Variants in SUDS3 observed in about 807,000 individuals in gnomAD.
SUDS3 encodes the protein sin3 histone deacetylase corepressor complex component SDS3.
Under a neutral mutation model 53.5 loss-of-function variants are expected in SUDS3, and 23 were observed. That is an observed-to-expected ratio of 0.43 (90% CI 0.31 to 0.61). SUDS3 has a LOEUF of 0.61. SUDS3 is among the 20% of genes least tolerant of loss of function. The pLI is 0.10. For missense variants in SUDS3, 291 were observed against 405.9 expected, an observed-to-expected ratio of 0.72 and a Z score of 2.43; for synonymous variants, 150 against 148.5, an observed-to-expected ratio of 1.01 and a Z score of -0.08.
intron 10 of SUDS3, among the ~76,000 whole-genome samples, chr12:118,406,942 G>C (rs541818796): frequency 6.6e-6 from 1 of 150,930 alleles, no homozygotes; most frequent in Non-Finnish European, 1.5e-5. Context: ...TGTCCCCCAG[G>C]CTGGCATGCA....
Position 118,389,930 on chromosome 12 carries a change from T to C in SUDS3, c.344T>C (p.Leu115Pro), listed in dbSNP as rs2046150613. 1 of 1,614,062 alleles carries C rather than the reference T, an allele frequency of 6.2e-7. No individual in the cohort carries two copies. The highest frequency in any genetic ancestry group is 8.5e-7 in the Non-Finnish European group (1 of 1,179,890). The change falls in exon 5 of 12, where the codon CTC becomes CCC. Residue 115 changes from leucine to proline, a missense_variant. Physicochemically the swap from Leu to Pro is moderately conservative, Grantham distance 98. This residue lies in a region of SUDS3 where 149 missense variants were observed against 146.5 expected (regional missense o/e 1.02). Coordinates refer to ENST00000543473, the MANE Select transcript of SUDS3 (RefSeq NM_022491.3). ...QYKERIRNAE[L>P]FLQLETEQVE... is the part of the protein sequence containing the mutation. The stretch of plus-strand genomic sequence containing the variant: ...TTGCACTTTTTATCTCTTGCAGAAC[T>C]CTTCCTCCAGCTGGAAGTAAGTACC...
intron 4 of SUDS3, 130 bp from the exon 5 acceptor site, chr12:118,389,797 C>T: frequency 9.0e-7 from 1 of 1,109,942 alleles, no homozygotes; most frequent in Non-Finnish European, 1.3e-6. Context: ...ATCAACATTT[C>T]ACTGATGAAA....
At chr12:118,409,272 G>A (rs907485056) in intron 10 of SUDS3, among the ~76,000 whole-genome samples, 1 of 151,548 alleles carries the variant, frequency 6.6e-6, no homozygotes, top group African/African-American at 2.4e-5. Flanking sequence ...TCAGCCTCCC[G>A]AGTAGCTGGG....
intron 1 of SUDS3, among the ~76,000 whole-genome samples, chr12:118,378,092 T>C (rs924646127): frequency 3.3e-5 from 5 of 152,182 alleles, no homozygotes; most frequent in African/African-American, 1.2e-4. Context: ...GAGGGGGCGC[T>C]GTGGAGCCAA....
rs1413626897 is a variant in SUDS3, at chr12:118,415,467, C to CA, written c.*1036dup. On this transcript the variant is annotated 3_prime_UTR_variant, in exon 12 of 12. Transcript: ENST00000543473. ...AGCTTCATTTGGCCCAGGTTGAAGA[C>CA]AAGGAAAGCTCTGCTGTGGCTGCCT... 6.6e-6 allele frequency: 1 copy of CA among 152,132 alleles called. No individual in the cohort carries two copies. Among genetic ancestry groups the CA allele is most frequent in the Non-Finnish European group, 1.5e-5 (1 of 68,060 alleles). 9.4% of individuals were successfully genotyped at this position (152,132 alleles called of 1,614,324 possible). A position where few individuals can be genotyped will look rare whatever the true frequency, so the allele number is the denominator to read the frequency against.
chr12:118,414,697 C>T lies in SUDS3; in HGVS notation c.*264C>T, dbSNP rs2046385470. 2.9e-6 allele frequency: 1 copy of T among 340,940 alleles called. No homozygotes were observed. The highest frequency in any genetic ancestry group is 2.1e-5 in the African/African-American group (1 of 47,128). 21.1% of individuals were successfully genotyped at this position (340,940 alleles called of 1,614,324 possible). On this transcript the variant is annotated 3_prime_UTR_variant, in exon 12 of 12. Coordinates refer to ENST00000543473, the MANE Select transcript of SUDS3 (RefSeq NM_022491.3). The stretch of plus-strand genomic sequence containing the variant: ...CAGGCGTATTGGGGGGTTTGATTTA[C>T]TTTCCTTTTATTTCTTTATTTTTTG...
intron 2 of SUDS3, 106 bp downstream of exon 2, chr12:118,380,337 T>C: frequency 2.1e-6 from 2 of 962,412 alleles, no homozygotes; most frequent in Admixed American, 4.7e-5. Context: ...AATCTAAAAC[T>C]TCCTGAGTGC....
At chr12:118,382,072 C>T (rs1174732581) in intron 2 of SUDS3, among the ~76,000 whole-genome samples, 5 of 150,336 alleles carry the variant, frequency 3.3e-5, no homozygotes, top group Non-Finnish European at 7.5e-5. Flanking sequence ...CAGAGTCTCA[C>T]TCTGTCACCC....
At position 118,417,448 on chromosome 12, in the gene SUDS3, A is replaced by G. The variant is rs1468344941; in HGVS notation, c.*3015A>G. Reference sequence around the variant, plus strand: ...CCTTCTCACATTTCTTTAGCTTTGAATTTTTACTAAATAAATTTCCTCCTG... The same window carrying G: ...CCTTCTCACATTTCTTTAGCTTTGAGTTTTTACTAAATAAATTTCCTCCTG... On this transcript the variant is annotated 3_prime_UTR_variant, in exon 12 of 12. Coordinates refer to ENST00000543473, the MANE Select transcript of SUDS3 (RefSeq NM_022491.3). 4.0e-5 allele frequency: 6 copies of G among 150,390 alleles called. No homozygotes were observed. The highest frequency in any genetic ancestry group is 9.8e-5 in the African/African-American group (4 of 40,844). The allele number at this position is 150,390 out of a possible 1,614,324, so 9.3% of individuals were successfully genotyped here.
At chr12:118,397,063 A>C (rs2046222652) in intron 6 of SUDS3, among the ~76,000 whole-genome samples, 1 of 152,162 alleles carries the variant, frequency 6.6e-6, no homozygotes, top group Non-Finnish European at 1.5e-5. Flanking sequence ...GTCTGCTTTA[A>C]GTGCTTGATG....
At chr12:118,393,388 G>A (rs2046185117) in intron 6 of SUDS3, among the ~76,000 whole-genome samples, 1 of 152,134 alleles carries the variant, frequency 6.6e-6, no homozygotes, top group African/African-American at 2.4e-5. Context: ...CTGGAAACGG[G>A]TGTATTTGGC....
At chr12:118,376,857 CG>C in intron 1 of SUDS3, 24 bp downstream of exon 1, 1 of 1,505,590 alleles carries the variant, frequency 6.6e-7, no homozygotes, top group Non-Finnish European at 8.8e-7. Context: ...CTCGCCCGGC[CG>C]CCCGGAGCGG....
At chr12:118,404,745 CATT>C (rs570237914) in intron 10 of SUDS3, among the ~76,000 whole-genome samples, 1,668 of 152,116 alleles carry the variant, frequency 0.011, 15 homozygotes, top group Non-Finnish European at 0.015. Context: ...TAAGGTGTCT[CATT>C]ATCATTTATA....
intron 11 of SUDS3, among the ~76,000 whole-genome samples, chr12:118,412,193 T>C (rs1003871330): frequency 3.9e-5 from 6 of 152,228 alleles, no homozygotes; most frequent in Non-Finnish European, 8.8e-5. Context: ...CTCCAAGTGG[T>C]CTTTCATGAG....
chr12:118,402,230 A>C (rs1266156060), intron 9 of SUDS3: 1 of 560,094 alleles, frequency 1.8e-6, no homozygotes, highest in African/African-American at 1.9e-5. Context: ...CTTAGGATTT[A>C]TCATAAAAGA....
intron 5 of SUDS3, 81 bp downstream of exon 5, chr12:118,390,027 C>G: frequency 6.5e-7 from 1 of 1,547,162 alleles, no homozygotes; most frequent in Non-Finnish European, 8.9e-7. Flanking sequence ...GCTTTTCCTT[C>G]TATCACCAAG....
chr12:118,407,214 T>C (rs992141908), intron 10 of SUDS3, among the ~76,000 whole-genome samples: 6 of 152,198 alleles, frequency 3.9e-5, no homozygotes, highest in Admixed American at 3.3e-4. Flanking sequence ...TAAGGACTTA[T>C]CTTTTCAGAG....
chr12:118,395,134 A>G (rs2046202156), intron 6 of SUDS3, among the ~76,000 whole-genome samples: 1 of 151,660 alleles, frequency 6.6e-6, no homozygotes, highest in African/African-American at 2.4e-5. Context: ...GAGAGGGAGA[A>G]TGGAAGAGGT....
At chr12:118,389,713 G>A (rs1200508690) in intron 4 of SUDS3, among the ~76,000 whole-genome samples, 3 of 152,088 alleles carry the variant, frequency 2.0e-5, no homozygotes. Context: ...ATGGGGTTTC[G>A]CCATGTTGGC....
Sources: gnomAD v4.1 joint callset for allele counts (sites outside exome capture counted in the v4.1 genomes callset) on GRCh38, gnomAD v4.1.1 for gene constraint, gnomAD v4.1.1 regional missense constraint, MANE v1.5 for transcripts, NCBI Gene and HGNC (gene_info 2026-07-23, HGNC 2026-07-21) for gene names.